The following IREB2 variants were observed in gnomAD, a reference collection of about 807,000 sequenced individuals.
The protein encoded by IREB2 is iron-responsive element-binding protein 2.
A neutral mutation model predicts 118.8 loss-of-function variants in IREB2; 39 were observed. The observed-to-expected ratio is 0.33, with a 90% CI of 0.25 to 0.43. The LOEUF is 0.43. Ranked by LOEUF, IREB2 falls within the 20% of genes least tolerant of loss-of-function variation. The probability of loss-of-function intolerance (pLI) is 1.00; values close to 1 mark genes in which losing one functional copy is unlikely to be tolerated. For synonymous variants in IREB2, 372 were observed against 392.2 expected (o/e 0.95, Z 0.61); for missense variants, 900 against 1,147.3 (o/e 0.78, Z 3.11).
In IREB2 at chr15:78,438,239, C is replaced by A; in HGVS notation, c.-99C>A. 2 of 934,120 alleles carry A rather than the reference C, an allele frequency of 2.1e-6. No homozygotes were observed. Among genetic ancestry groups the A allele is most frequent in the Non-Finnish European group, 3.4e-6 (2 of 583,844 alleles). The allele number at this position is 934,120 out of a possible 1,614,324, so 57.9% of individuals were successfully genotyped here. On this transcript the variant is annotated 5_prime_UTR_variant, in exon 1 of 22. Coordinates refer to ENST00000258886, the MANE Select transcript of IREB2 (RefSeq NM_004136.4). ...GCGAGCCTGCTTCCTTCTTTCCTCCCTTGCCAGTCCGCCTGTCTTCCTCCC... is the reference window on the plus strand; with the variant it reads ...GCGAGCCTGCTTCCTTCTTTCCTCCATTGCCAGTCCGCCTGTCTTCCTCCC...
chr15:78,478,496 A>G, intron 10 of IREB2, 99 bp downstream of exon 10: 1 of 701,124 alleles, frequency 1.4e-6, no homozygotes, highest in Non-Finnish European at 2.5e-6. Flanking sequence ...TGAGTTCAAG[A>G]GTTTGAGACC....
chr15:78,498,198 T>C lies in IREB2; in HGVS notation c.*55T>C. 1.0e-6 allele frequency: 1 copy of C among 967,384 alleles called. No individual in the cohort carries two copies. Among genetic ancestry groups the C allele is most frequent in the Non-Finnish European group, 1.7e-6 (1 of 597,900 alleles). 59.9% of individuals were successfully genotyped at this position (967,384 alleles called of 1,614,324 possible). On this transcript the variant is annotated 3_prime_UTR_variant, in exon 22 of 22. Coordinates refer to ENST00000258886, the MANE Select transcript of IREB2 (RefSeq NM_004136.4). ...CTGGTAACTGCAAAGCCTTTTGTGC[T>C]GGACCCAGGAATCCTTACCATGGAG...
intron 2 of IREB2, among the ~76,000 whole-genome samples, chr15:78,442,734 C>T (rs1056457103): frequency 7.9e-5 from 12 of 152,154 alleles, no homozygotes; most frequent in African/African-American, 2.7e-4. Flanking sequence ...CACCAATCTC[C>T]GCAAGGATCT....
chr15:78,465,786 G>C (rs921059358), intron 4 of IREB2, among the ~76,000 whole-genome samples: 3 of 152,070 alleles, frequency 2.0e-5, no homozygotes, highest in Non-Finnish European at 4.4e-5. Flanking sequence ...TCTGAAATAA[G>C]TTTCTTGTAT....
At chr15:78,463,193 C>G (rs1047361147) in intron 3 of IREB2, 106 bp downstream of exon 3, 2 of 916,518 alleles carry the variant, frequency 2.2e-6, no homozygotes, top group Non-Finnish European at 3.3e-6. Flanking sequence ...AATCCCAGTA[C>G]TTTGGGAGGC....
chr15:78,442,163 T>G (rs2050854889), intron 2 of IREB2, among the ~76,000 whole-genome samples: 1 of 152,172 alleles, frequency 6.6e-6, no homozygotes, highest in Admixed American at 6.5e-5. Context: ...CTCAAAGTGC[T>G]GGGATTACAG....
rs1406501063 is a variant in IREB2, at chr15:78,473,259, A to G, written c.901A>G (p.Thr301Ala). Reference sequence around the variant, plus strand: ...TACGTTAGGGGTTGGAGGCATTGAAACAGAAGCAGTTATGCTTGGTCTGCC... The same window carrying G: ...TACGTTAGGGGTTGGAGGCATTGAAGCAGAAGCAGTTATGCTTGGTCTGCC... ...ILGWGVGGIETEAVMLGLPVS... is the reference protein window; with the variant it reads ...ILGWGVGGIEAEAVMLGLPVS... Residue 301 changes from threonine (T) to alanine (A), a missense_variant, in exon 8 of 22, where the codon ACA becomes GCA. Transcript: ENST00000258886. 1 of 1,614,080 alleles carries G rather than the reference A, an allele frequency of 6.2e-7. No individual in the cohort carries two copies. Among genetic ancestry groups the G allele is most frequent in the East Asian group, 2.2e-5 (1 of 44,870 alleles).
chr15:78,488,589 T>G, intron 15 of IREB2, 58 bp from the exon 16 acceptor site: 2 of 1,509,012 alleles, frequency 1.3e-6, no homozygotes, highest in Non-Finnish European at 1.8e-6. Context: ...TTTGAAAAGG[T>G]ATGAACATTT....
rs138635755 is a variant in IREB2 at position 78,441,514 on chromosome 15, ATAAAT to A, written c.106+1638_106+1642del. 5.0e-4 allele frequency among the ~76,000 whole-genome samples: 76 copies of A among 152,342 alleles called. 1 individual carries two copies. In the East Asian group the frequency reaches 0.012, roughly 23 times the overall value. On this transcript the variant is annotated intron_variant, in intron 2 of 21. Transcript: ENST00000258886. Reference sequence around the variant, plus strand: ...CTTTTAACCCAAATTTCATAGTTTAATAAATTAAAGGAGCACATAAGATGTTTTGA... The same window carrying A: ...CTTTTAACCCAAATTTCATAGTTTAATAAAGGAGCACATAAGATGTTTTGA...
At chr15:78,447,643 TA>T (rs2050953735) in intron 2 of IREB2, among the ~76,000 whole-genome samples, 1 of 152,116 alleles carries the variant, frequency 6.6e-6, no homozygotes, top group African/African-American at 2.4e-5. Context: ...ATTTTTTTTT[TA>T]TCTTTTATAG....
intron 2 of IREB2, among the ~76,000 whole-genome samples, chr15:78,453,300 T>C (rs1438199405): frequency 6.6e-6 from 1 of 152,130 alleles, no homozygotes; most frequent in Non-Finnish European, 1.5e-5. Flanking sequence ...AATTATTAGC[T>C]CTTTTGAATA....
rs987881081 is a variant in IREB2, at chr15:78,498,084, G to A, written c.2833G>A (p.Glu945Lys). 1.2e-6 allele frequency: 2 copies of A among 1,613,464 alleles called. No homozygotes were observed. The highest frequency in any genetic ancestry group is 2.7e-5 in the African/African-American group (2 of 74,888). The change falls in exon 22 of 22, where the codon GAA becomes AAA. Residue 945 changes from glutamate (E) to lysine (K), a missense_variant. Physicochemically the swap from Glu to Lys is moderately conservative, Grantham distance 56. Coordinates refer to ENST00000258886, the MANE Select transcript of IREB2 (RefSeq NM_004136.4). Reference sequence around the variant, plus strand: ...GATTGCTTCGTTTGAAGATGATGTGGAAATAACATTATACAAACATGGAGG... The same window carrying A: ...GATTGCTTCGTTTGAAGATGATGTGAAAATAACATTATACAAACATGGAGG... ...SVIASFEDDV[E>K]ITLYKHGGLL...
At position 78,488,154 on chromosome 15, in the gene IREB2, T is replaced by C. The variant is rs1464502749; in HGVS notation, c.1795-26T>C. 3.8e-6 allele frequency: 6 copies of C among 1,588,668 alleles called. No individual in the cohort carries two copies. The African/African-American group carries it at 6.8e-5, about 18-fold the overall frequency. On this transcript the variant is annotated intron_variant, in intron 14 of 21. Transcript: ENST00000258886. ...TACCATCTCTAGAATTGAATTTATTTGTTTGTGTGTTTGTGTTTTTTTCAG... is the reference window on the plus strand; with the variant it reads ...TACCATCTCTAGAATTGAATTTATTCGTTTGTGTGTTTGTGTTTTTTTCAG...
At chr15:78,443,113 A>G (rs1421376676) in intron 2 of IREB2, among the ~76,000 whole-genome samples, 1 of 152,216 alleles carries the variant, frequency 6.6e-6, no homozygotes, top group African/African-American at 2.4e-5. Flanking sequence ...ATTTTTTTCT[A>G]TACATACATA....
chr15:78,481,483 G>A (rs1331005247), intron 10 of IREB2, among the ~76,000 whole-genome samples: 1 of 150,924 alleles, frequency 6.6e-6, no homozygotes, highest in Non-Finnish European at 1.5e-5. Context: ...AGCCTCCCAG[G>A]TAGCTGAGAC....
chr15:78,469,562 A>G (rs1354970602), intron 5 of IREB2, among the ~76,000 whole-genome samples: 3 of 152,068 alleles, frequency 2.0e-5, no homozygotes, highest in African/African-American at 4.8e-5. Context: ...CATCTCTACT[A>G]AAAATACAAA....
At chr15:78,459,547 G>A (rs748314753) in intron 2 of IREB2, among the ~76,000 whole-genome samples, 4 of 151,892 alleles carry the variant, frequency 2.6e-5, no homozygotes, top group African/African-American at 7.3e-5. Flanking sequence ...ACGGGGTTTC[G>A]CCATGTTGGT....
chr15:78,494,128 G>A lies in IREB2; in HGVS notation c.2473-14G>A, dbSNP rs1410919177. 1 of 1,612,802 alleles carries A rather than the reference G, an allele frequency of 6.2e-7. No homozygotes were observed. Among genetic ancestry groups the A allele is most frequent in the Non-Finnish European group, 8.5e-7 (1 of 1,179,654 alleles). On this transcript the variant is annotated splice_polypyrimidine_tract_variant and intron_variant, in intron 19 of 21. Transcript: ENST00000258886. Reference sequence around the variant, plus strand: ...ATTTGTATTAAAAAATTTTGTGTTTGTTTTAATCTACAGCTAGATGTATTT... The same window carrying A: ...ATTTGTATTAAAAAATTTTGTGTTTATTTTAATCTACAGCTAGATGTATTT...
chr15:78,468,568 A>G lies in IREB2; in HGVS notation c.630-1964A>G, dbSNP rs182977417. 4.9e-4 allele frequency among the ~76,000 whole-genome samples: 74 copies of G among 152,070 alleles called. 1 individual carries two copies. In the South Asian group the frequency reaches 0.015, roughly 31 times the overall value. On this transcript the variant is annotated intron_variant, in intron 5 of 21. Transcript: ENST00000258886. ...TTTTTTTTTTTTTAATTTAGTAAAA[A>G]ATTACTTGCACTTTAGGTTTTAAAA... is the stretch of plus-strand genomic sequence containing the variant.
Sources: allele counts gnomAD v4.1 joint callset (sites outside exome capture counted in the v4.1 genomes callset), GRCh38; gene constraint gnomAD v4.1.1; transcripts MANE v1.5; gene names NCBI Gene and HGNC (gene_info 2026-07-23, HGNC 2026-07-21).